SIRT7: variants seen among roughly 807,000 people sequenced by gnomAD.
SIRT7 encodes sirtuin 7.
A neutral mutation model predicts 42.8 loss-of-function variants in SIRT7; 32 were observed. The ratio of observed to expected loss-of-function variants is 0.75; its 90% CI spans 0.56 to 1.00. The LOEUF (loss-of-function observed/expected upper bound fraction) is 1.00. Among genes scored for constraint, SIRT7 ranks in the 50% least tolerant of loss-of-function variants. The pLI, the probability that SIRT7 is intolerant of heterozygous loss-of-function variation, is 0.00. For missense variants in SIRT7, 553 were observed against 572.2 expected (o/e 0.97, Z 0.34); for synonymous variants, 297 against 245.2 (o/e 1.21, Z -1.97).
chr17:81,916,081 T>G, intron 3 of SIRT7: 1 of 268,536 alleles, frequency 3.7e-6, no homozygotes, highest in Non-Finnish European at 7.5e-6. Flanking sequence ...GGTGAATCCC[T>G]AGGTGGGTCC....
chr17:81,913,809 C>G lies in SIRT7; in HGVS notation c.969G>C (p.Met323Ile). The change falls in exon 9 of 10, where the codon ATG becomes ATC. Residue 323 changes from methionine to isoleucine, a missense_variant. Met to Ile is a conservative substitution (Grantham distance 10). Coordinates refer to ENST00000328666, the MANE Select transcript of SIRT7 (RefSeq NM_016538.3). This position sits in a 1 kb window ranked among gnomAD's most constrained non-coding sequence, Gnocchi z 5.0. The stretch of plus-strand genomic sequence containing the variant: ...CGGGGATCTCCAAGCCCAGCTCGGC[C>G]ATGAGGAGCCGCATGACGTCATCAC... ...GKCDDVMRLLMAELGLEIPAY... is the reference protein window; with the variant it reads ...GKCDDVMRLLIAELGLEIPAY... 6.5e-7 allele frequency: 1 copy of G among 1,549,286 alleles called. No homozygotes were observed. Among genetic ancestry groups the G allele is most frequent in the Non-Finnish European group, 8.7e-7 (1 of 1,147,136 alleles).
rs1469435499 is a variant in SIRT7, at chr17:81,915,665, T to C, written c.353A>G (p.Asp118Gly). Residue 118 changes from aspartate to glycine, a missense_variant, in exon 4 of 10, where the codon GAC becomes GGC. Coordinates refer to ENST00000328666, the MANE Select transcript of SIRT7 (RefSeq NM_016538.3). ...AGISTAASIP[D>G]YRGPNGVWTL... is the part of the protein sequence containing the mutation. ...CCACACTCCATTAGGGCCCCGGTAG[T>C]CTGGGATAGACGCTGCCTGCATGTC... The C allele has an allele frequency of 4.3e-6, 7 of 1,613,768 alleles. No homozygotes were observed. Among genetic ancestry groups the C allele is most frequent in the African/African-American group, 1.3e-5 (1 of 74,920 alleles).
Position 81,914,636 on chromosome 17 carries a change from T to C in SIRT7, c.547A>G (p.Ile183Val), listed in dbSNP as rs1476266071. The change falls in exon 6 of 10, where the codon ATC becomes GTC. Residue 183 changes from isoleucine to valine, a missense_variant. Physicochemically the swap from Ile to Val is conservative, Grantham distance 29. Transcript: ENST00000328666. ...HLRSGLPRTA[I>V]SELHGNMYIE... ...TACATGTTCCCGTGGAGCTCGGAGATGGCCGTGCGCGGCAGCCCACTCCTC... is the reference window on the plus strand; with the variant it reads ...TACATGTTCCCGTGGAGCTCGGAGACGGCCGTGCGCGGCAGCCCACTCCTC... 1 of 1,613,126 alleles carries C rather than the reference T, an allele frequency of 6.2e-7. No individual in the cohort carries two copies. Among genetic ancestry groups the C allele is most frequent in the Admixed American group, 1.7e-5 (1 of 60,020 alleles).
intron 5 of SIRT7, chr17:81,915,134 G>C (rs1195170138): frequency 1.7e-5 from 9 of 523,984 alleles, no homozygotes; most frequent in Non-Finnish European, 3.1e-5. Flanking sequence ...TGTCCTATAA[G>C]CCTCCCCTGT....
chr17:81,916,035 C>T (rs530182798), intron 3 of SIRT7: 15 of 328,852 alleles, frequency 4.6e-5, no homozygotes, highest in Non-Finnish European at 4.2e-5. Flanking sequence ...TAAAGTGCCC[C>T]CAGGGCCGAG....
chr17:81,918,118 C>T lies in SIRT7; in HGVS notation c.14G>A (p.Gly5Asp). MAAG[G>D]LSRSERKAAE... is the part of the protein sequence containing the mutation. ...CGCTTTGCGCTCGGAGCGGCTCAGA[C>T]CCCCGGCTGCCATCGCTCCCCTGGA... The change falls in exon 1 of 10, where the codon GGT becomes GAT. Residue 5 changes from glycine to aspartate, a missense_variant. Gly to Asp is a moderately conservative substitution (Grantham distance 94, BLOSUM62 -1). Transcript: ENST00000328666. 4 of 1,550,490 alleles carry T rather than the reference C, an allele frequency of 2.6e-6. No individual in the cohort carries two copies. Among genetic ancestry groups the T allele is most frequent in the Non-Finnish European group, 3.5e-6 (4 of 1,159,238 alleles).
rs765244109 is a variant in SIRT7, at chr17:81,918,139, C to T, written c.-8G>A. ...CAGACCCCCGGCTGCCATCGCTCCC[C>T]TGGAGACCTGCTCTTCCGCTTCCGC... On this transcript the variant is annotated 5_prime_UTR_variant, in exon 1 of 10. Coordinates refer to ENST00000328666, the MANE Select transcript of SIRT7 (RefSeq NM_016538.3). The T allele has an allele frequency of 8.8e-5, 136 of 1,546,138 alleles. No homozygotes were observed. Among genetic ancestry groups the T allele is most frequent in the Admixed American group, 5.5e-4 (29 of 52,706 alleles).
At position 81,917,708 on chromosome 17, in the gene SIRT7, G is replaced by C. The variant is rs1318474799; in HGVS notation, c.243C>G (p.Asp81Glu). The C allele has an allele frequency of 5.0e-6, 8 of 1,599,442 alleles. No homozygotes were observed. Among genetic ancestry groups the C allele is most frequent in the Non-Finnish European group, 8.5e-7 (1 of 1,174,370 alleles). Residue 81 changes from aspartate to glutamate, a missense_variant, in exon 3 of 10, where the codon GAC (aspartate) becomes GAG (glutamate). Physicochemically the swap from Asp to Glu is conservative, Grantham distance 45. Transcript: ENST00000328666. ...LKRRQEEVCD[D>E]PEELRGKVRE... is the part of the protein sequence containing the mutation. ...GGACCTTCCCCCGCAGCTCCTCCGG[G>C]TCGTCGCACACCTGCCAAGACGCCA... is the stretch of plus-strand genomic sequence containing the variant.
At position 81,913,953 on chromosome 17, in the gene SIRT7, T is replaced by C. The variant is rs568440231; in HGVS notation, c.898-73A>G. Reference sequence around the variant, plus strand: ...CCGGTGGCCTGTCAGCCTTGGCCCCTACGGGCTCAGTCGGTGCTCCCTGAG... The same window carrying C: ...CCGGTGGCCTGTCAGCCTTGGCCCCCACGGGCTCAGTCGGTGCTCCCTGAG... On this transcript the variant is annotated intron_variant, in intron 8 of 9. Coordinates refer to ENST00000328666, the MANE Select transcript of SIRT7 (RefSeq NM_016538.3). The surrounding 1 kb of genome is among the most constrained non-coding windows in gnomAD (Gnocchi z 5.0). The C allele has an allele frequency of 6.5e-7, 1 of 1,540,792 alleles. No homozygotes were observed. The highest frequency in any genetic ancestry group is 2.4e-5 in the East Asian group (1 of 41,748).
At chr17:81,917,459 C>T in intron 3 of SIRT7, 156 bp downstream of exon 3, 1 of 615,374 alleles carries the variant, frequency 1.6e-6, no homozygotes, top group Non-Finnish European at 2.6e-6. Flanking sequence ...GGCTGTAACA[C>T]AGAGGCCAAG....
chr17:81,917,743 C>T, intron 2 of SIRT7, 24 bp from the exon 3 acceptor site: 1 of 1,506,360 alleles, frequency 6.6e-7, no homozygotes, highest in African/African-American at 1.4e-5. Flanking sequence ...AGGGTGGTCA[C>T]CGCCCCGGGC....
intron 8 of SIRT7, 59 bp downstream of exon 8, chr17:81,914,026 GTC>G: frequency 6.3e-7 from 1 of 1,597,986 alleles, no homozygotes; most frequent in Non-Finnish European, 8.6e-7. Flanking sequence ...GGTGTGGGGT[GTC>G]TCTGGCTGTG....
intron 5 of SIRT7, chr17:81,915,097 G>A: frequency 4.1e-6 from 2 of 491,482 alleles, no homozygotes; most frequent in Non-Finnish European, 7.5e-6. Context: ...CATTGGTTGA[G>A]GGTGTTCAGC....
chr17:81,914,198 C>T lies in SIRT7; in HGVS notation c.817-31G>A, dbSNP rs200851894. 3.1e-4 allele frequency: 504 copies of T among 1,613,544 alleles called. 2 individuals are homozygous for T. In the African/African-American group the frequency reaches 6.2e-3, roughly 20 times the overall value. On this transcript the variant is annotated intron_variant, in intron 7 of 9. Coordinates refer to ENST00000328666, the MANE Select transcript of SIRT7 (RefSeq NM_016538.3). ...GAAGCAGACAGACAGACACCGCACA[C>T]ACACAAGGGACAAGTCTGTACAGTG...
Position 81,913,869 on chromosome 17 carries a change from C to T in SIRT7, c.909G>A (p.Lys303=). ...GTAGCTTCAGGGCAGCCCAGTCATC[C>T]TTCGGGGTCCACTGAGGACAGGGAA... The part of the protein sequence containing the change: ...LYIVNLQWTP[K]DDWAALKLHG... Residue 303 remains lysine (K), a synonymous_variant, in exon 9 of 10, where the codon AAG becomes AAA. Coordinates refer to ENST00000328666, the MANE Select transcript of SIRT7 (RefSeq NM_016538.3). The surrounding 1 kb of genome is among the most constrained non-coding windows in gnomAD (Gnocchi z 5.0). The T allele has an allele frequency of 8.4e-6, 13 of 1,551,348 alleles. No individual in the cohort carries two copies. The highest frequency in any genetic ancestry group is 1.1e-5 in the Non-Finnish European group (13 of 1,147,804).
chr17:81,914,035 T>G, intron 8 of SIRT7, 52 bp downstream of exon 8: 1 of 1,604,854 alleles, frequency 6.2e-7, no homozygotes, highest in Non-Finnish European at 8.5e-7. Context: ...TGTCTCTGGC[T>G]GTGCGTTCTA....
intron 5 of SIRT7, chr17:81,915,025 T>A (rs1364046848): frequency 2.0e-6 from 1 of 495,722 alleles, no homozygotes; most frequent in Non-Finnish European, 3.7e-6. Context: ...CCCAGATCCA[T>A]GCTCTCTTGG....
At chr17:81,914,725 A>T (rs2040761316) in intron 5 of SIRT7, 23 bp from the exon 6 acceptor site, 1 of 1,598,058 alleles carries the variant, frequency 6.3e-7, no homozygotes, top group South Asian at 1.1e-5. Flanking sequence ...ACGGGTGGCA[A>T]GGGGAGGGAT....
In SIRT7 at chr17:81,912,534, C is replaced by T; in HGVS notation, c.1085G>A (p.Arg362Lys). The change falls in exon 10 of 10, where the codon AGA becomes AAA. Residue 362 changes from arginine to lysine, a missense_variant. Coordinates refer to ENST00000328666, the MANE Select transcript of SIRT7 (RefSeq NM_016538.3). ...EGSHSRKSLC[R>K]SREEAPPGDR... Reference sequence around the variant, plus strand: ...CCCAGGCGGGGCCTCCTCTCTGCTTCTGCACAGCGACTTCCGACTGTGGCT... The same window carrying T: ...CCCAGGCGGGGCCTCCTCTCTGCTTTTGCACAGCGACTTCCGACTGTGGCT... The T allele has an allele frequency of 6.2e-7, 1 of 1,613,818 alleles. No individual in the cohort carries two copies.
Sources: gnomAD v4.1 joint callset for allele counts on GRCh38, gnomAD v4.1.1 for gene constraint, Gnocchi (gnomAD v3.1) non-coding constraint, MANE v1.5 for transcripts, NCBI Gene and HGNC (gene_info 2026-07-23, HGNC 2026-07-21) for gene names.